Variants in GPR108 observed in about 807,000 individuals in gnomAD.
GPR108 encodes protein GPR108.
A neutral mutation model predicts 74.3 loss-of-function variants in GPR108; 60 were observed. That is an observed-to-expected ratio of 0.81 (90% confidence interval 0.66 to 1.00). The LOEUF (loss-of-function observed/expected upper bound fraction) is 1.00, where lower values mean the gene tolerates loss of function less well. Among genes scored for constraint, GPR108 ranks in the 50% least tolerant of loss-of-function variants. The pLI is 0.00. For missense variants in GPR108, 667 were observed against 703.3 expected, an observed-to-expected ratio of 0.95 and a Z score of 0.58; for synonymous variants, 311 against 292.4, an observed-to-expected ratio of 1.06 and a Z score of -0.65.
rs755224101 is a variant in GPR108 at position 6,733,558 on chromosome 19, C to T, written c.723+12G>A. ...GGCGCTCCCTGGCCCTGCTGCCCTC[C>T]ACTCCGCTCACCGTGATGTCGAATG... is the stretch of plus-strand genomic sequence containing the variant. On this transcript the variant is annotated intron_variant, in intron 8 of 17. Transcript: ENST00000264080. The T allele has an allele frequency of 1.9e-6, 3 of 1,611,860 alleles. No homozygotes were observed. The South Asian group carries it at 3.3e-5, about 18-fold the overall frequency.
chr19:6,730,067 T>G lies in GPR108; in HGVS notation c.*245A>C. ...CAAGACAACGGCGTAGCCAAACAGA[T>G]TGGTCATTATTGTACACATAGCTGG... On this transcript the variant is annotated 3_prime_UTR_variant, in exon 18 of 18. Transcript: ENST00000264080. The G allele has an allele frequency of 9.6e-6, 5 of 521,930 alleles. No individual in the cohort carries two copies. The highest frequency in any genetic ancestry group is 3.3e-5 in the East Asian group (1 of 30,198). The allele number at this position is 521,930 out of a possible 1,614,324, so 32.3% of individuals were successfully genotyped here. A position where few individuals can be genotyped will look rare whatever the true frequency, so the allele number is the denominator to read the frequency against.
Position 6,731,246 on chromosome 19 carries a change from T to C in GPR108, c.1387A>G (p.Ile463Val). ...AAGGGCACAGCCACCTGCAGCAGGATGGCGATGATGCGGGTGAAGTAGACG... is the reference window on the plus strand; with the variant it reads ...AAGGGCACAGCCACCTGCAGCAGGACGGCGATGATGCGGGTGAAGTAGACG... ...CYVYFTRIIA[I>V]LLQVAVPFQW... The change falls in exon 16 of 18, where the codon ATC (isoleucine) becomes GTC (valine). Residue 463 changes from isoleucine to valine, a missense_variant. Coordinates refer to ENST00000264080, the MANE Select transcript of GPR108 (RefSeq NM_001080452.2). The C allele has an allele frequency of 6.4e-7, 1 of 1,561,350 alleles. No individual in the cohort carries two copies.
At position 6,734,140 on chromosome 19, in the gene GPR108, G is replaced by C. The variant is rs73922482; in HGVS notation, c.499+43C>G. 7.0e-4 allele frequency: 1,137 copies of C among 1,614,166 alleles called. 6 individuals are homozygous for C. The African/African-American group carries it at 0.014, about 19-fold the overall frequency. ...AACGGCATGGGGAGTGCAAAGGGCA[G>C]ACCTGCCCATCCACCCCCGTCTGCA... On this transcript the variant is annotated intron_variant, in intron 5 of 17. Transcript: ENST00000264080.
chr19:6,737,192 G>A (rs1309471346), intron 1 of GPR108: 3 of 501,878 alleles, frequency 6.0e-6, no homozygotes, highest in Non-Finnish European at 1.1e-5. Context: ...GACCCAGTTG[G>A]GGGGAAGGGG....
At chr19:6,735,449 C>T (rs1369105731) in intron 4 of GPR108, 173 bp downstream of exon 4, 21 of 610,692 alleles carry the variant, frequency 3.4e-5, no homozygotes, top group East Asian at 2.8e-4. Context: ...CCAACACCCG[C>T]GGAGTCCCTC....
In GPR108 at chr19:6,732,382, T is replaced by C; in HGVS notation, c.1008-2A>G. ...ATGAAGAGGAGGGCGCCCTTCAGCC[T>C]GAAGGAGCAGGGGAGGGCGTGATGA... On this transcript the variant is annotated splice_acceptor_variant, in intron 11 of 17. Coordinates refer to ENST00000264080, the MANE Select transcript of GPR108 (RefSeq NM_001080452.2). LOFTEE classifies it high-confidence loss of function. The C allele has an allele frequency of 4.3e-6, 7 of 1,613,324 alleles. No individual in the cohort carries two copies. Among genetic ancestry groups the C allele is most frequent in the Non-Finnish European group, 5.9e-6 (7 of 1,179,886 alleles).
At chr19:6,731,771 A>G (rs1299158778) in intron 14 of GPR108, 120 bp downstream of exon 14, 12 of 1,170,692 alleles carry the variant, frequency 1.0e-5, no homozygotes, top group Non-Finnish European at 1.5e-5. Context: ...TGGGGCATCC[A>G]GGGAGGCAGA....
chr19:6,733,161 G>C lies in GPR108; in HGVS notation c.857+7C>G, dbSNP rs535578508. The C allele has an allele frequency of 3.1e-6, 5 of 1,613,992 alleles. No individual in the cohort carries two copies. In the East Asian group the frequency reaches 1.1e-4, roughly 36 times the overall value. ...ACGTGGGGGACCCTCAGGGGCAGGG[G>C]CATTACGTGTTCCTGCAGAGGATGG... is the stretch of plus-strand genomic sequence containing the variant. On this transcript the variant is annotated splice_region_variant and intron_variant, in intron 9 of 17. Transcript: ENST00000264080.
At chr19:6,733,478 G>T in intron 8 of GPR108, 92 bp downstream of exon 8, 2 of 1,420,810 alleles carry the variant, frequency 1.4e-6, no homozygotes, top group South Asian at 1.2e-5. Flanking sequence ...CACCCGGGAG[G>T]GCTGGGAAAA....
At position 6,733,999 on chromosome 19, in the gene GPR108, C is replaced by A. The variant is rs200040403; in HGVS notation, c.549+6G>T. 9.9e-6 allele frequency: 16 copies of A among 1,614,054 alleles called. No homozygotes were observed. The highest frequency in any genetic ancestry group is 1.4e-5 in the Non-Finnish European group (16 of 1,180,028). On this transcript the variant is annotated splice_donor_region_variant and intron_variant, in intron 6 of 17. Coordinates refer to ENST00000264080, the MANE Select transcript of GPR108 (RefSeq NM_001080452.2). ...CATCTTCCCTCCTGCCCCGCCTCCC[C>A]GAAACCTGAATCACTGCGGGTGTTG...
intron 17 of GPR108, among the ~76,000 whole-genome samples, chr19:6,730,723 C>T (rs1211884102): frequency 6.6e-4 from 92 of 139,720 alleles, no homozygotes; most frequent in Non-Finnish European, 1.2e-3. Context: ...GCCCCCAGAG[C>T]GGCCCTGGGT....
intron 14 of GPR108, 135 bp downstream of exon 14, chr19:6,731,756 C>T: frequency 1.9e-6 from 2 of 1,066,876 alleles, no homozygotes; most frequent in Non-Finnish European, 2.7e-6. Context: ...AAAGAGAGGC[C>T]AGACTGGGGC....
At chr19:6,733,512 G>A (rs565494839) in intron 8 of GPR108, 58 bp downstream of exon 8, 3 of 1,529,890 alleles carry the variant, frequency 2.0e-6, no homozygotes, top group East Asian at 2.3e-5. Flanking sequence ...AGGCACTCTG[G>A]GCCCGCAGTG....
chr19:6,734,340 G>C (rs760214896), intron 4 of GPR108, 33 bp from the exon 5 acceptor site: 3 of 1,604,368 alleles, frequency 1.9e-6, no homozygotes, highest in African/African-American at 1.3e-5. Context: ...CATGAGGCTG[G>C]GGGGCTGAAC....
At chr19:6,730,792 C>T (rs529648922) in intron 17 of GPR108, among the ~76,000 whole-genome samples, 195 bp downstream of exon 17, 1 of 150,792 alleles carries the variant, frequency 6.6e-6, no homozygotes, top group Admixed American at 6.6e-5. Context: ...TACTCCACAG[C>T]TGTCCGGTCC....
At chr19:6,731,452 G>C (rs906678713) in intron 15 of GPR108, 21 bp downstream of exon 15, 1 of 1,528,292 alleles carries the variant, frequency 6.5e-7, no homozygotes, top group African/African-American at 1.4e-5. Flanking sequence ...CAAACCCGCT[G>C]TGAGTGAGGC....
rs767711279 is a variant in GPR108, at chr19:6,730,364, C to T, written c.1580G>A (p.Arg527Gln). ...TTTGTTGACTTTGGAGAGGCCTTCC[C>T]GGAACCCAGAGTCCGTCATTCTGGG... ...MEQVMTDSGF[R>Q]EGLSKVNKTA... is the part of the protein sequence containing the mutation. The change falls in exon 18 of 18, where the codon CGG (arginine) becomes CAG (glutamine). Residue 527 changes from arginine (R) to glutamine (Q), a missense_variant. Physicochemically the swap from Arg to Gln is conservative, Grantham distance 43. Transcript: ENST00000264080. 1.9e-6 allele frequency: 3 copies of T among 1,613,390 alleles called. No individual in the cohort carries two copies. The highest frequency in any genetic ancestry group is 2.2e-5 in the East Asian group (1 of 44,876).
Position 6,730,318 on chromosome 19 carries a change from C to G in GPR108, c.1626G>C (p.Leu542=). Residue 542 remains leucine (L), a synonymous_variant, in exon 18 of 18, where the codon CTG becomes CTC. Transcript: ENST00000264080. ...GTCTGAGATGTGGAGGTGATCATAA[C>G]AGTTCCCGCCCGCTGGCTGTTTTGT... ...KVNKTASGRE[L]L 1 of 1,613,792 alleles carries G rather than the reference C, an allele frequency of 6.2e-7. No individual in the cohort carries two copies. The highest frequency in any genetic ancestry group is 8.5e-7 in the Non-Finnish European group (1 of 1,179,756).
At chr19:6,732,935 C>CGGG in intron 10 of GPR108, 52 bp downstream of exon 10, 2 of 1,486,914 alleles carry the variant, frequency 1.3e-6, no homozygotes, top group Non-Finnish European at 1.8e-6. Flanking sequence ...GGGGATGGCC[C>CGGG]GGGTGGGCCT....
Sources: gnomAD v4.1 joint callset for allele counts (sites outside exome capture counted in the v4.1 genomes callset) on GRCh38, gnomAD v4.1.1 for gene constraint, MANE v1.5 for transcripts, NCBI Gene and HGNC (gene_info 2026-07-23, HGNC 2026-07-21) for gene names.